The following NTRK3 variants were observed in gnomAD, a reference collection of about 807,000 sequenced individuals.
NTRK3 encodes the protein neurotrophic receptor tyrosine kinase 3.
Under a neutral mutation model 91.7 loss-of-function variants are expected in NTRK3, and 24 were observed. The ratio of observed to expected loss-of-function variants is 0.26; its 90% CI spans 0.19 to 0.37. The LOEUF is 0.37. NTRK3 is among the 10% of genes least tolerant of loss of function. The pLI is 1.00. For synonymous variants in NTRK3, 483 were observed against 404.0 expected (o/e 1.20, Z -2.34); for missense variants, 880 against 1,068.9 (o/e 0.82, Z 2.46).
intron 13 of NTRK3, among the ~76,000 whole-genome samples, chr15:88,122,181 T>C (rs1236569467): frequency 1.3e-5 from 2 of 152,252 alleles, no homozygotes; most frequent in Admixed American, 6.5e-5. Context: ...TATACTGATA[T>C]ATATGCATGT....
chr15:88,210,606 C>G (rs2049156639), intron 3 of NTRK3, among the ~76,000 whole-genome samples: 1 of 152,156 alleles, frequency 6.6e-6, no homozygotes. Context: ...CTGGGTCTTC[C>G]CCAAGGGCAG....
At chr15:87,974,409 T>C (rs1596477886) in intron 14 of NTRK3, among the ~76,000 whole-genome samples, 1 of 152,132 alleles carries the variant, frequency 6.6e-6, no homozygotes, top group African/African-American at 2.4e-5. Flanking sequence ...CAGTGGGTAG[T>C]CAGACAAGGC....
chr15:88,224,219 C>T (rs1477225451), intron 3 of NTRK3, among the ~76,000 whole-genome samples: 1 of 152,132 alleles, frequency 6.6e-6, no homozygotes, highest in Non-Finnish European at 1.5e-5. Flanking sequence ...TCAGGATGCT[C>T]CCTGCAAGGT....
intron 13 of NTRK3, among the ~76,000 whole-genome samples, chr15:88,080,466 C>T (rs2047944801): frequency 6.6e-6 from 1 of 152,214 alleles, no homozygotes; most frequent in African/African-American, 2.4e-5. Context: ...GAACAAATTT[C>T]CATATGTTTA....
At chr15:88,253,636 C>T (rs968317319) in intron 3 of NTRK3, among the ~76,000 whole-genome samples, 6 of 152,314 alleles carry the variant, frequency 3.9e-5, no homozygotes, top group Non-Finnish European at 5.9e-5. Context: ...CTGACCCTCC[C>T]CCACCTGCCA....
chr15:88,212,184 C>T (rs577570126), intron 3 of NTRK3, among the ~76,000 whole-genome samples: 12 of 152,176 alleles, frequency 7.9e-5, no homozygotes, highest in Middle Eastern at 3.4e-3. Flanking sequence ...CTGGCTAACA[C>T]GGTGAAACCC....
intron 3 of NTRK3, among the ~76,000 whole-genome samples, chr15:88,224,371 A>T (rs1360533700): frequency 6.6e-6 from 1 of 152,180 alleles, no homozygotes; most frequent in Non-Finnish European, 1.5e-5. Context: ...CATGAGAAGA[A>T]CATGCCCAGC....
intron 13 of NTRK3, chr15:88,072,915 G>C (rs1232538686): frequency 4.4e-6 from 1 of 229,344 alleles, no homozygotes; most frequent in African/African-American, 2.2e-5. Flanking sequence ...CACCTTCAGA[G>C]GAGAGAAAAA....
intron 14 of NTRK3, among the ~76,000 whole-genome samples, chr15:87,995,012 T>C (rs2075584798): frequency 6.6e-6 from 1 of 152,244 alleles, no homozygotes; most frequent in East Asian, 1.9e-4. Context: ...TGATGTACCT[T>C]CAACTAATGA....
chr15:88,190,419 G>C (rs184325126), intron 3 of NTRK3, among the ~76,000 whole-genome samples: 226 of 152,308 alleles, frequency 1.5e-3, no homozygotes, highest in Non-Finnish European at 2.4e-3. Context: ...CCAGCCTAAT[G>C]AGCCTGCCAG....
At chr15:87,899,212 T>C (rs2066308669) in intron 17 of NTRK3, among the ~76,000 whole-genome samples, 1 of 152,174 alleles carries the variant, frequency 6.6e-6, no homozygotes, top group African/African-American at 2.4e-5. Flanking sequence ...TGCAGGTAGA[T>C]GGGCATAATT....
chr15:87,950,971 T>C (rs1183024849), intron 14 of NTRK3, among the ~76,000 whole-genome samples: 2 of 152,132 alleles, frequency 1.3e-5, no homozygotes, highest in African/African-American at 4.8e-5. Context: ...TTCAGGACAG[T>C]TTTTAGTCTG....
At chr15:88,056,330 TTAA>T (rs1200721329) in intron 13 of NTRK3, among the ~76,000 whole-genome samples, 1 of 151,810 alleles carries the variant, frequency 6.6e-6, no homozygotes, top group Admixed American at 6.6e-5. Flanking sequence ...GCTTTAAATA[TTAA>T]TAATAAGAAA....
chr15:87,945,058 C>T (rs1202106644), intron 14 of NTRK3, among the ~76,000 whole-genome samples: 1 of 152,196 alleles, frequency 6.6e-6, no homozygotes, highest in Admixed American at 6.5e-5. Context: ...GGTCACAAGG[C>T]TCAGACATGG....
intron 17 of NTRK3, chr15:87,928,372 G>A (rs1374584338): frequency 2.0e-5 from 3 of 151,982 alleles, no homozygotes; most frequent in Non-Finnish European, 2.9e-5. Context: ...CCCTTGCTGA[G>A]ATAAGTGACA....
intron 3 of NTRK3, among the ~76,000 whole-genome samples, chr15:88,199,975 G>C (rs2048164611): frequency 6.6e-6 from 1 of 152,206 alleles, no homozygotes; most frequent in South Asian, 2.1e-4. Context: ...AGGGGAGTCA[G>C]AGCCAGAACA....
rs983605499 is a variant in NTRK3, at chr15:88,147,456, T to C, written c.396-53A>G. 19 of 1,443,654 alleles carry C rather than the reference T, an allele frequency of 1.3e-5. No individual in the cohort carries two copies. The African/African-American group carries it at 2.1e-4, about 16-fold the overall frequency. The allele number at this position is 1,443,654 out of a possible 1,614,324, so 89.4% of individuals were successfully genotyped here. On this transcript the variant is annotated intron_variant, in intron 5 of 18. Transcript: ENST00000394480. ...TTTAAAACAAGTCTGGCACAAATAATGCTCTAGGTAGTAAGCTTAATCATT... is the reference window on the plus strand; with the variant it reads ...TTTAAAACAAGTCTGGCACAAATAACGCTCTAGGTAGTAAGCTTAATCATT...
At chr15:88,110,464 CAGT>C (rs1430566595) in intron 13 of NTRK3, among the ~76,000 whole-genome samples, 2 of 152,168 alleles carry the variant, frequency 1.3e-5, no homozygotes, top group Non-Finnish European at 1.5e-5. Context: ...ATCTTCACCA[CAGT>C]AGTAACAAAA....
At chr15:88,101,813 A>G (rs2050204924) in intron 13 of NTRK3, among the ~76,000 whole-genome samples, 1 of 152,188 alleles carries the variant, frequency 6.6e-6, no homozygotes, top group African/African-American at 2.4e-5. Flanking sequence ...TGGGAATTGA[A>G]CAATGAGAAC....
Sources: gnomAD v4.1 joint callset for allele counts (sites outside exome capture counted in the v4.1 genomes callset) on GRCh38, gnomAD v4.1.1 for gene constraint, MANE v1.5 for transcripts, NCBI Gene and HGNC (gene_info 2026-07-23, HGNC 2026-07-21) for gene names.